Variants in SLC24A2 observed in about 807,000 individuals in gnomAD.
SLC24A2 encodes the protein sodium/potassium/calcium exchanger 2.
Under a neutral mutation model 62.0 loss-of-function variants are expected in SLC24A2, and 36 were observed. That is an observed-to-expected ratio of 0.58 (90% confidence interval 0.44 to 0.77). The LOEUF (loss-of-function observed/expected upper bound fraction) is 0.77, where lower values mean the gene tolerates loss of function less well. SLC24A2 is among the 30% of genes least tolerant of loss of function. The pLI is 0.00. For synonymous variants in SLC24A2, 358 were observed against 294.0 expected (o/e 1.22, Z -2.23); for missense variants, 846 against 817.9 (o/e 1.03, Z -0.42).
At chr9:19,726,023 T>C (rs879465454) in intron 2 of SLC24A2, among the ~76,000 whole-genome samples, 4 of 152,152 alleles carry the variant, frequency 2.6e-5, no homozygotes, top group Non-Finnish European at 4.4e-5. Context: ...GGAATATTTA[T>C]AAACACTGTG....
At chr9:20,228,340 A>G in the SLC24A2 span, among the ~76,000 whole-genome samples, 1 of 152,018 alleles carries the variant, frequency 6.6e-6, no homozygotes, top group African/African-American at 2.4e-5. Flanking sequence ...GCTCTCACTC[A>G]AAAGTACAGA....
chr9:20,002,051 G>C, the SLC24A2 span, among the ~76,000 whole-genome samples: 1 of 152,160 alleles, frequency 6.6e-6, no homozygotes, highest in Non-Finnish European at 1.5e-5. Context: ...CCTCAGGGCT[G>C]AGGACTAAAG....
intron 10 of SLC24A2, among the ~76,000 whole-genome samples, chr9:19,519,541 T>A (rs942334951): frequency 6.6e-6 from 1 of 152,194 alleles, no homozygotes; most frequent in African/African-American, 2.4e-5. Context: ...CAACTTCCTT[T>A]AAAACATACA....
chr9:19,783,294 T>C (rs1033543547), intron 2 of SLC24A2, among the ~76,000 whole-genome samples: 26 of 152,326 alleles, frequency 1.7e-4, no homozygotes, highest in African/African-American at 5.5e-4. Context: ...CAAACTCCCA[T>C]GTCCCATAAT....
At chr9:20,014,704 G>C in the SLC24A2 span, among the ~76,000 whole-genome samples, 1 of 152,052 alleles carries the variant, frequency 6.6e-6, no homozygotes, top group Non-Finnish European at 1.5e-5. Context: ...GTAGAGAGGA[G>C]AATAATGGTT....
the SLC24A2 span, among the ~76,000 whole-genome samples, chr9:20,024,670 G>A: frequency 6.6e-6 from 1 of 152,212 alleles, no homozygotes; most frequent in Non-Finnish European, 1.5e-5. Flanking sequence ...AAATACGTGT[G>A]TGTGTGTTCA....
intron 2 of SLC24A2, among the ~76,000 whole-genome samples, chr9:19,704,719 G>C (rs929497267): frequency 4.6e-5 from 7 of 151,232 alleles, no homozygotes; most frequent in Admixed American, 4.0e-4. Context: ...TAAAAGATAA[G>C]AATTTTCCAC....
At chr9:19,922,674 A>C in the SLC24A2 span, among the ~76,000 whole-genome samples, 2 of 152,138 alleles carry the variant, frequency 1.3e-5, no homozygotes, top group Admixed American at 1.3e-4. Flanking sequence ...AGCCCATCAC[A>C]CAGCTAACTC....
At chr9:19,651,285 A>C (rs1177531058) in intron 2 of SLC24A2, among the ~76,000 whole-genome samples, 1 of 152,240 alleles carries the variant, frequency 6.6e-6, no homozygotes, top group Non-Finnish European at 1.5e-5. Flanking sequence ...TAAGCATGTT[A>C]CATATATTGC....
At chr9:19,840,684 T>C in the SLC24A2 span, among the ~76,000 whole-genome samples, 1 of 152,196 alleles carries the variant, frequency 6.6e-6, no homozygotes, top group South Asian at 2.1e-4. Flanking sequence ...TGTCATTCAA[T>C]GAGTTTTGAC....
the SLC24A2 span, among the ~76,000 whole-genome samples, chr9:20,103,322 G>T: frequency 6.6e-6 from 1 of 152,164 alleles, no homozygotes; most frequent in African/African-American, 2.4e-5. Context: ...AAAAGTCCCT[G>T]TCTGACAGCT....
At chr9:19,714,626 T>TA (rs200169311) in intron 2 of SLC24A2, among the ~76,000 whole-genome samples, 1 of 152,126 alleles carries the variant, frequency 6.6e-6, no homozygotes, top group African/African-American at 2.4e-5. Flanking sequence ...ATTTGAGTAT[T>TA]AAAAAATTTT....
At chr9:19,961,243 A>T in the SLC24A2 span, among the ~76,000 whole-genome samples, 7 of 152,112 alleles carry the variant, frequency 4.6e-5, no homozygotes, top group Admixed American at 3.3e-4. Flanking sequence ...ATAAAAAAAA[A>T]GAAATCAGAA....
chr9:19,956,067 T>A, the SLC24A2 span, among the ~76,000 whole-genome samples: 1 of 152,182 alleles, frequency 6.6e-6, no homozygotes, highest in East Asian at 1.9e-4. Flanking sequence ...CAGGACAAAG[T>A]GATCCCTTAG....
At chr9:19,967,352 C>T in the SLC24A2 span, 1 of 152,086 alleles carries the variant, frequency 6.6e-6, no homozygotes, top group Non-Finnish European at 1.5e-5. Context: ...TGTAAGTGAA[C>T]AAACTGGTTT....
the SLC24A2 span, among the ~76,000 whole-genome samples, chr9:19,898,783 G>T: frequency 6.6e-6 from 1 of 150,464 alleles, no homozygotes; most frequent in African/African-American, 2.4e-5. Flanking sequence ...CAATGTCTAG[G>T]ACAATGCTGG....
chr9:20,303,554 A>G, the SLC24A2 span, among the ~76,000 whole-genome samples: 1 of 152,186 alleles, frequency 6.6e-6, no homozygotes, highest in East Asian at 1.9e-4. Context: ...GATAGCCCCC[A>G]GCCCATACAG....
intron 2 of SLC24A2, among the ~76,000 whole-genome samples, chr9:19,638,819 G>C (rs529809982): frequency 6.6e-6 from 1 of 151,854 alleles, no homozygotes; most frequent in Non-Finnish European, 1.5e-5. Flanking sequence ...AAAATTCCTG[G>C]ATCCCTACAG....
chr9:20,037,997 A>T, the SLC24A2 span, among the ~76,000 whole-genome samples: 1 of 152,314 alleles, frequency 6.6e-6, no homozygotes. Flanking sequence ...AAAACATCAG[A>T]ATTGGGAGGG....
Sources: allele counts gnomAD v4.1 joint callset (sites outside exome capture counted in the v4.1 genomes callset), GRCh38; gene constraint gnomAD v4.1.1; transcripts MANE v1.5; gene names NCBI Gene and HGNC (gene_info 2026-07-23, HGNC 2026-07-21).